The following ADCK1 variants were observed in gnomAD, a reference collection of about 807,000 sequenced individuals.
ADCK1 encodes aarF domain-containing protein kinase 1.
A neutral mutation model predicts 52.3 loss-of-function variants in ADCK1; 41 were observed. The observed-to-expected ratio is 0.78, with a 90% CI of 0.61 to 1.02. The LOEUF (loss-of-function observed/expected upper bound fraction) is 1.02, where lower values mean the gene tolerates loss of function less well. ADCK1 is among the 50% of genes least tolerant of loss of function. ADCK1 has a pLI of 0.00. For missense variants in ADCK1, 658 were observed against 679.5 expected (o/e 0.97, Z 0.35); for synonymous variants, 250 against 274.6 (o/e 0.91, Z 0.89).
intron 2 of ADCK1, among the ~76,000 whole-genome samples, chr14:77,820,305 A>T (rs199605320): frequency 1.2e-4 from 2 of 16,020 alleles, no homozygotes; most frequent in African/African-American, 2.9e-4. Flanking sequence ...TTATTTTATG[A>T]TATATATATA....
chr14:77,850,605 T>G (rs544675663), intron 3 of ADCK1, among the ~76,000 whole-genome samples: 3 of 152,172 alleles, frequency 2.0e-5, no homozygotes, highest in African/African-American at 7.2e-5. Context: ...GCTATAAATA[T>G]AGCTGTTTCA....
chr14:77,810,820 C>T (rs560828975), intron 1 of ADCK1, among the ~76,000 whole-genome samples: 5 of 152,234 alleles, frequency 3.3e-5, no homozygotes, highest in Admixed American at 3.3e-4. Context: ...CGTGAGCCTC[C>T]GTGCCCGGCA....
At chr14:77,842,772 ACTG>A (rs1333915852) in intron 3 of ADCK1, among the ~76,000 whole-genome samples, 1 of 151,606 alleles carries the variant, frequency 6.6e-6, no homozygotes, top group Non-Finnish European at 1.5e-5. Flanking sequence ...CTTGTCTTGA[ACTG>A]CTGACCTCAA....
chr14:77,884,879 G>A (rs1196003618), intron 4 of ADCK1, among the ~76,000 whole-genome samples: 6 of 152,238 alleles, frequency 3.9e-5, no homozygotes, highest in Non-Finnish European at 2.9e-5. Flanking sequence ...GGCCAGGCCA[G>A]GGCCTCACAC....
chr14:77,923,210 G>T lies in ADCK1; in HGVS notation c.859-1247G>T, dbSNP rs1555360014. 6.6e-6 allele frequency: 1 copy of T among 152,282 alleles called. No homozygotes were observed. The highest frequency in any genetic ancestry group is 1.5e-5 in the Non-Finnish European group (1 of 68,070). 9.4% of individuals were successfully genotyped at this position (152,282 alleles called of 1,614,324 possible). On this transcript the variant is annotated intron_variant, in intron 7 of 10. Coordinates refer to ENST00000238561, the MANE Select transcript of ADCK1 (RefSeq NM_020421.4). The surrounding 1 kb of genome is among the most constrained non-coding windows in gnomAD (Gnocchi z 4.3). ...ACGTATGGCAAGGGAACCTCATTTT[G>T]CCTGGGAGGCCAGGGAGGGCTTCTT...
Position 77,931,517 on chromosome 14 carries a change from G to A in ADCK1, c.1207-1G>A, listed in dbSNP as rs1350602535. 3.1e-6 allele frequency: 5 copies of A among 1,612,224 alleles called. No individual in the cohort carries two copies. The African/African-American group carries it at 6.7e-5, about 22-fold the overall frequency. On this transcript the variant is annotated splice_acceptor_variant, in intron 9 of 10. Coordinates refer to ENST00000238561, the MANE Select transcript of ADCK1 (RefSeq NM_020421.4). LOFTEE classifies it high-confidence loss of function. ...TTTCTGTTGCCCCATTGCTGCTTCAGGACTTAGAGATTCGCAACAACGCGG... is the reference window on the plus strand; with the variant it reads ...TTTCTGTTGCCCCATTGCTGCTTCAAGACTTAGAGATTCGCAACAACGCGG...
At chr14:77,893,987 C>T (rs1181572175) in intron 5 of ADCK1, among the ~76,000 whole-genome samples, 1 of 152,186 alleles carries the variant, frequency 6.6e-6, no homozygotes, top group Non-Finnish European at 1.5e-5. Context: ...TCTGCCTCGG[C>T]CTCCCAAAGT....
intron 6 of ADCK1, among the ~76,000 whole-genome samples, chr14:77,907,212 C>T (rs2083686728): frequency 6.6e-6 from 1 of 152,182 alleles, no homozygotes; most frequent in African/African-American, 2.4e-5. Flanking sequence ...CTCCGCCTGG[C>T]CCCAGTATTT....
At chr14:77,912,221 G>T (rs927825223) in intron 7 of ADCK1, among the ~76,000 whole-genome samples, 10 of 152,018 alleles carry the variant, frequency 6.6e-5, no homozygotes, top group African/African-American at 2.2e-4. Context: ...TGCATGACTT[G>T]GTAGCTCTTT....
chr14:77,892,702 C>T (rs2140222380), intron 5 of ADCK1, among the ~76,000 whole-genome samples: 1 of 152,038 alleles, frequency 6.6e-6, no homozygotes, highest in African/African-American at 2.4e-5. Flanking sequence ...AGAAGTAATG[C>T]CCACTCCCAA....
At chr14:77,814,436 A>AC (rs71128687) in intron 1 of ADCK1, among the ~76,000 whole-genome samples, 14 of 149,802 alleles carry the variant, frequency 9.3e-5, no homozygotes, top group African/African-American at 2.9e-4. Context: ...GAAAAAAAAA[A>AC]CAAAAAACAA....
intron 3 of ADCK1, among the ~76,000 whole-genome samples, chr14:77,841,870 A>T (rs993202263): frequency 4.5e-4 from 66 of 147,082 alleles, no homozygotes; most frequent in Admixed American, 2.0e-4. Flanking sequence ...AAAAAAAAAA[A>T]TTTGCCAGGC....
chr14:77,900,935 C>CCCATGAGAAGTACGGCTTCTA (rs1235627594), intron 6 of ADCK1, among the ~76,000 whole-genome samples: 22 of 152,098 alleles, frequency 1.4e-4, no homozygotes, highest in Admixed American at 5.2e-4. Context: ...CTGTCAGTGC[C>CCCATGAGAAGTACGGCTTCTA]CCATGAGAAG....
intron 7 of ADCK1, chr14:77,914,328 G>C: frequency 1.2e-6 from 1 of 806,534 alleles, no homozygotes; most frequent in Non-Finnish European, 1.5e-6. Context: ...ACTTTAGTGG[G>C]GTTCGTGAAG....
chr14:77,876,320 T>C (rs2082898116), intron 4 of ADCK1, among the ~76,000 whole-genome samples: 1 of 152,204 alleles, frequency 6.6e-6, no homozygotes, highest in Admixed American at 6.5e-5. Context: ...CTGCCTTTTT[T>C]ACCCTGTCAC....
chr14:77,807,038 CTTTTTT>C (rs770430499), intron 1 of ADCK1, among the ~76,000 whole-genome samples: 1 of 99,242 alleles, frequency 1.0e-5, no homozygotes, highest in Non-Finnish European at 2.0e-5. Context: ...CTCTCTCTCT[CTTTTTT>C]TTTTTTTTTT....
At chr14:77,865,593 T>C (rs1011893410) in intron 4 of ADCK1, among the ~76,000 whole-genome samples, 2 of 152,210 alleles carry the variant, frequency 1.3e-5, no homozygotes, top group African/African-American at 4.8e-5. Flanking sequence ...ACCATCATGA[T>C]TCCCTATGTG....
chr14:77,852,295 C>A (rs1324564599), intron 3 of ADCK1, among the ~76,000 whole-genome samples: 1 of 152,150 alleles, frequency 6.6e-6, no homozygotes, highest in Non-Finnish European at 1.5e-5. Flanking sequence ...CCAAGCCTGG[C>A]CAGTTCTTTA....
intron 6 of ADCK1, among the ~76,000 whole-genome samples, chr14:77,904,095 G>A (rs949591749): frequency 2.0e-5 from 3 of 152,056 alleles, no homozygotes; most frequent in Non-Finnish European, 4.4e-5. Context: ...TTGCTCTGTG[G>A]GGAAGTTGTG....
Sources: allele counts gnomAD v4.1 joint callset (sites outside exome capture counted in the v4.1 genomes callset), GRCh38; gene constraint gnomAD v4.1.1; non-coding constraint Gnocchi (gnomAD v3.1); transcripts MANE v1.5; gene names NCBI Gene and HGNC (gene_info 2026-07-23, HGNC 2026-07-21).